Variants in ST8SIA5 observed in about 807,000 individuals in gnomAD.
ST8SIA5 encodes the protein ST8 alpha-N-acetyl-neuraminide alpha-2,8-sialyltransferase 5.
In ST8SIA5, 24 loss-of-function variants were observed where a neutral mutation model predicts 40.2. That is an observed-to-expected ratio of 0.60 (90% CI 0.43 to 0.84). The LOEUF (loss-of-function observed/expected upper bound fraction) is 0.84, where lower values mean the gene tolerates loss of function less well. ST8SIA5 is among the 40% of genes least tolerant of loss of function. The probability of loss-of-function intolerance (pLI) is 0.00; values close to 1 mark genes in which losing one functional copy is unlikely to be tolerated. For missense variants in ST8SIA5, 465 were observed against 498.5 expected, an observed-to-expected ratio of 0.93 and a Z score of 0.64; for synonymous variants, 198 against 201.8, an observed-to-expected ratio of 0.98 and a Z score of 0.16.
chr18:46,686,462 T>G (rs553957473), intron 4 of ST8SIA5, among the ~76,000 whole-genome samples, 176 bp from the exon 5 acceptor site: 1 of 151,614 alleles, frequency 6.6e-6, no homozygotes, highest in Non-Finnish European at 1.5e-5. Context: ...TGGTTGAGAG[T>G]CTTGTTACTA....
chr18:46,725,986 TATATATATATATATATATATATATCCTGG>T lies in ST8SIA5; in HGVS notation c.132-21351_132-21323del, dbSNP rs1448993439. 5.6e-3 allele frequency among the ~76,000 whole-genome samples: 299 copies of T among 52,986 alleles called. 17 individuals carry two copies. The highest frequency in any genetic ancestry group is 0.019 in the African/African-American group (283 of 14,730). The allele number at this position is 52,986 out of a possible 152,430, so 34.8% of individuals were successfully genotyped here. A position where few individuals can be genotyped will look rare whatever the true frequency, so the allele number is the denominator to read the frequency against. On this transcript the variant is annotated intron_variant, in intron 1 of 6. Coordinates refer to ENST00000315087, the MANE Select transcript of ST8SIA5 (RefSeq NM_013305.6). ...AAAAAAAAAAAAATATATATATATATATATATATATATATATATATATATCCTGGATATATATATATATCCTGGATATAT... is the reference window on the plus strand; with the variant it reads ...AAAAAAAAAAAAATATATATATATATATATATATATATATCCTGGATATAT...
chr18:46,701,631 A>G (rs955766037), intron 2 of ST8SIA5, among the ~76,000 whole-genome samples: 1 of 152,196 alleles, frequency 6.6e-6, no homozygotes, highest in Non-Finnish European at 1.5e-5. Context: ...CCAGCTCTGC[A>G]GTATCTTCAT....
intron 2 of ST8SIA5, among the ~76,000 whole-genome samples, chr18:46,702,336 A>C (rs1251917131): frequency 2.6e-5 from 4 of 152,004 alleles, no homozygotes; most frequent in Non-Finnish European, 5.9e-5. Flanking sequence ...ACTAAATCAA[A>C]ACTCCTTGGA....
chr18:46,692,528 C>A (rs537525596), intron 2 of ST8SIA5, among the ~76,000 whole-genome samples: 11 of 152,012 alleles, frequency 7.2e-5, no homozygotes, highest in South Asian at 2.1e-4. Context: ...CTCAGCCTAC[C>A]GAGTAGCTGG....
intron 1 of ST8SIA5, among the ~76,000 whole-genome samples, chr18:46,716,131 G>GATAGATAGATAGATAT (rs1384030218): frequency 6.8e-6 from 1 of 147,754 alleles, no homozygotes; most frequent in Non-Finnish European, 1.5e-5. Context: ...TAGATAGATA[G>GATAGATAGATAGATAT]ATAGATATAG....
chr18:46,686,038 T>C, intron 5 of ST8SIA5, 136 bp downstream of exon 5: 2 of 772,782 alleles, frequency 2.6e-6, no homozygotes, highest in Non-Finnish European at 4.4e-6. Context: ...GAAGAAGGGA[T>C]ATCCCAGACC....
At chr18:46,686,033 A>AG in intron 5 of ST8SIA5, 141 bp downstream of exon 5, 1 of 739,746 alleles carries the variant, frequency 1.4e-6, no homozygotes, top group South Asian at 1.7e-5. Flanking sequence ...GGAGAGAAGA[A>AG]GGGATATCCC....
Position 46,672,530 on chromosome 18 carries a change from AAG to A in ST8SIA5, c.*7510_*7511del, listed in dbSNP as rs1426803262. On this transcript the variant is annotated 3_prime_UTR_variant, in exon 7 of 7. Coordinates refer to ENST00000315087, the MANE Select transcript of ST8SIA5 (RefSeq NM_013305.6). The stretch of plus-strand genomic sequence containing the variant: ...TTGCCATGGGAACCATCTTCAACTG[AAG>A]AGAGAGTCACTGATTTCTGGCTTTT... The A allele has an allele frequency of 5.3e-5, 8 of 152,208 alleles. No homozygotes were observed. The highest frequency in any genetic ancestry group is 1.9e-4 in the African/African-American group (8 of 41,450). The allele number at this position is 152,208 out of a possible 1,614,324, so 9.4% of individuals were successfully genotyped here.
At chr18:46,716,357 T>C (rs915433463) in intron 1 of ST8SIA5, among the ~76,000 whole-genome samples, 8 of 152,144 alleles carry the variant, frequency 5.3e-5, no homozygotes, top group Non-Finnish European at 8.8e-5. Context: ...GTCATCTATT[T>C]GGGGCTTGCT....
chr18:46,733,563 G>C (rs537156228), intron 1 of ST8SIA5, among the ~76,000 whole-genome samples: 1 of 151,536 alleles, frequency 6.6e-6, no homozygotes, highest in African/African-American at 2.4e-5. Flanking sequence ...GACAAAATGC[G>C]TCATACGCTA....
At chr18:46,736,295 A>C (rs1332309433) in intron 1 of ST8SIA5, among the ~76,000 whole-genome samples, 1 of 152,176 alleles carries the variant, frequency 6.6e-6, no homozygotes, top group African/African-American at 2.4e-5. Context: ...GCTAGTACAC[A>C]AAGGGCACAC....
At position 46,680,550 on chromosome 18, in the gene ST8SIA5, C is replaced by G. The variant is rs1212195416; in HGVS notation, c.663-40G>C. On this transcript the variant is annotated intron_variant, in intron 6 of 6. Coordinates refer to ENST00000315087, the MANE Select transcript of ST8SIA5 (RefSeq NM_013305.6). ...AGTGAGAGGTGAGCACCCACTCCTCCGTGCCCTCAGGCCCCTCGCTTCCCC... is the reference window on the plus strand; with the variant it reads ...AGTGAGAGGTGAGCACCCACTCCTCGGTGCCCTCAGGCCCCTCGCTTCCCC... 5.3e-6 allele frequency: 8 copies of G among 1,514,546 alleles called. No individual in the cohort carries two copies. The African/African-American group carries it at 5.5e-5, about 10-fold the overall frequency. The allele number at this position is 1,514,546 out of a possible 1,614,324, so 93.8% of individuals were successfully genotyped here.
chr18:46,697,756 A>T (rs1161597985), intron 2 of ST8SIA5, among the ~76,000 whole-genome samples: 1 of 152,206 alleles, frequency 6.6e-6, no homozygotes, highest in Non-Finnish European at 1.5e-5. Flanking sequence ...GAAGTATAGG[A>T]TTATTAGATT....
At chr18:46,738,674 C>T (rs2040058640) in intron 1 of ST8SIA5, among the ~76,000 whole-genome samples, 1 of 152,040 alleles carries the variant, frequency 6.6e-6, no homozygotes, top group Admixed American at 6.6e-5. Context: ...CCAGGGCACC[C>T]TCCCCCTCGA....
chr18:46,691,953 G>C, intron 3 of ST8SIA5: 4 of 576,844 alleles, frequency 6.9e-6, no homozygotes, highest in Non-Finnish European at 1.3e-5. Context: ...AGGACTAAGG[G>C]AGAGAAGGTG....
At chr18:46,710,403 C>G (rs544181341) in intron 1 of ST8SIA5, among the ~76,000 whole-genome samples, 4 of 124,370 alleles carry the variant, frequency 3.2e-5, no homozygotes, top group African/African-American at 1.2e-4. Context: ...TTCTTTCTTT[C>G]TTTCTTTCTT....
chr18:46,733,969 A>T (rs1323340333), intron 1 of ST8SIA5, among the ~76,000 whole-genome samples: 1 of 152,066 alleles, frequency 6.6e-6, no homozygotes, highest in Non-Finnish European at 1.5e-5. Flanking sequence ...TGGGCCCAGA[A>T]TGTAGGCTTC....
In ST8SIA5 at chr18:46,680,430, G is replaced by A; in HGVS notation, c.743C>T (p.Ala248Val). The A allele has an allele frequency of 6.2e-7, 1 of 1,612,640 alleles. No individual in the cohort carries two copies. Among genetic ancestry groups the A allele is most frequent in the Non-Finnish European group, 8.5e-7 (1 of 1,179,294 alleles). The change falls in exon 7 of 7, where the codon GCC becomes GTC. Residue 248 changes from alanine (A) to valine (V), a missense_variant. By Grantham distance (64) the Ala-to-Val change is moderately conservative. Coordinates refer to ENST00000315087, the MANE Select transcript of ST8SIA5 (RefSeq NM_013305.6). ...VYENASVLLP[A>V]FYNTRNTDVS... ...GTCGGTGTTGCGCGTGTTGTAGAAG[G>A]CAGGCAGCAGCACCGACGCGTTCTC...
intron 1 of ST8SIA5, among the ~76,000 whole-genome samples, chr18:46,706,091 TTA>T (rs2039667636): frequency 6.6e-6 from 1 of 152,042 alleles, no homozygotes. Flanking sequence ...ACTTTAAAAG[TTA>T]TGTTTATAAA....
Sources: gnomAD v4.1 joint callset for allele counts (sites outside exome capture counted in the v4.1 genomes callset) on GRCh38, gnomAD v4.1.1 for gene constraint, MANE v1.5 for transcripts, NCBI Gene and HGNC (gene_info 2026-07-23, HGNC 2026-07-21) for gene names.